RBFOX1: variants seen among roughly 807,000 people sequenced by gnomAD.
RBFOX1 encodes RNA binding protein fox-1 homolog 1.
A neutral mutation model predicts 57.7 loss-of-function variants in RBFOX1; 8 were observed. The ratio of observed to expected loss-of-function variants is 0.14; its 90% CI spans 0.08 to 0.25. RBFOX1 has a LOEUF of 0.25. Among genes scored for constraint, RBFOX1 ranks in the 10% least tolerant of loss-of-function variants. The pLI, the probability that RBFOX1 is intolerant of heterozygous loss-of-function variation, is 1.00. For synonymous variants in RBFOX1, 326 were observed against 222.4 expected, an observed-to-expected ratio of 1.47 and a Z score of -4.15; for missense variants, 611 against 548.5, an observed-to-expected ratio of 1.11 and a Z score of -1.14.
intron 4 of RBFOX1, among the ~76,000 whole-genome samples, chr16:7,182,084 C>G (rs1294483842): frequency 6.6e-6 from 1 of 152,120 alleles, no homozygotes; most frequent in Non-Finnish European, 1.5e-5. Context: ...TCTTCAGAAG[C>G]TTGTTCATGA....
intron 3 of RBFOX1, among the ~76,000 whole-genome samples, chr16:6,747,475 T>TC (rs775881693): frequency 0.41 from 60,507 of 146,538 alleles, 12,345 homozygotes; most frequent in East Asian, 0.62. Context: ...TGTCTGTCTG[T>TC]TTATCTATCT....
chr16:6,821,349 A>T (rs1177199854), intron 3 of RBFOX1, among the ~76,000 whole-genome samples: 1 of 152,208 alleles, frequency 6.6e-6, no homozygotes, highest in East Asian at 1.9e-4. Context: ...CAAATTGGAA[A>T]ACTAGTCTAG....
chr16:5,994,847 A>G (rs553804873), intron 4 of RBFOX1, among the ~76,000 whole-genome samples: 130 of 152,330 alleles, frequency 8.5e-4, no homozygotes, highest in Non-Finnish European at 1.7e-3. Context: ...CAAGTGCCCA[A>G]TGAGAAATGC....
intron 3 of RBFOX1, among the ~76,000 whole-genome samples, chr16:6,804,117 C>G (rs1396702051): frequency 6.6e-6 from 1 of 152,026 alleles, no homozygotes; most frequent in African/African-American, 2.4e-5. Context: ...AGTGATTCTC[C>G]TTGCCTCAGG....
intron 4 of RBFOX1, among the ~76,000 whole-genome samples, chr16:7,108,318 T>C (rs1253512682): frequency 1.4e-5 from 2 of 145,886 alleles, no homozygotes; most frequent in African/African-American, 4.9e-5. Context: ...AAACAAGAAC[T>C]TCTTTCTATT....
At chr16:7,605,938 A>G (rs2095267225) in intron 9 of RBFOX1, among the ~76,000 whole-genome samples, 1 of 151,854 alleles carries the variant, frequency 6.6e-6, no homozygotes, top group Non-Finnish European at 1.5e-5. Flanking sequence ...TCCCAGCTTC[A>G]AGCGATTCTC....
intron 2 of RBFOX1, among the ~76,000 whole-genome samples, chr16:6,498,192 C>T (rs2095824529): frequency 6.8e-6 from 1 of 147,452 alleles, no homozygotes; most frequent in Non-Finnish European, 1.5e-5. Flanking sequence ...GTGGAGGTTG[C>T]AGTGAGCCAA....
intron 2 of RBFOX1, among the ~76,000 whole-genome samples, chr16:6,576,468 A>G (rs1470925840): frequency 2.6e-5 from 4 of 152,174 alleles, no homozygotes; most frequent in South Asian, 4.1e-4. Context: ...ATATTATTCG[A>G]AGACCTGCTG....
chr16:6,346,139 C>A (rs1416695265), intron 2 of RBFOX1, among the ~76,000 whole-genome samples: 1 of 152,120 alleles, frequency 6.6e-6, no homozygotes. Context: ...TTGACTTTTC[C>A]CTTTAGCTTA....
rs115141528 is a variant in RBFOX1 at position 7,141,875 on chromosome 16, C to G, written c.27+89777C>G. Among the ~76,000 whole-genome samples the G allele has an allele frequency of 7.6e-3, 1,153 of 152,324 alleles. 18 individuals are homozygous for G. Among genetic ancestry groups the G allele is most frequent in the African/African-American group, 0.026 (1,086 of 41,576 alleles). ...TGTTTCTTCTCACCTATTCTCTGCA[C>G]AGCAGCCATAGTGACCTTGGAAATT... On this transcript the variant is annotated intron_variant, in intron 4 of 15. Coordinates refer to ENST00000550418, the MANE Select transcript of RBFOX1 (RefSeq NM_018723.4).
At chr16:6,114,924 T>C (rs1456820929) in intron 1 of RBFOX1, among the ~76,000 whole-genome samples, 1 of 152,174 alleles carries the variant, frequency 6.6e-6, no homozygotes, top group Non-Finnish European at 1.5e-5. Flanking sequence ...TTCACAACTA[T>C]ATTTACACTG....
At chr16:5,662,682 G>A (rs2049696011) in intron 3 of RBFOX1, among the ~76,000 whole-genome samples, 1 of 152,162 alleles carries the variant, frequency 6.6e-6, no homozygotes, top group Non-Finnish European at 1.5e-5. Context: ...AGAATTGTGT[G>A]GAATTTTTTG....
chr16:6,028,115 C>G (rs1036495504), intron 1 of RBFOX1, among the ~76,000 whole-genome samples: 11 of 152,198 alleles, frequency 7.2e-5, no homozygotes, highest in Admixed American at 6.5e-5. Context: ...GGGTCACTGC[C>G]TGTGTTCTCA....
chr16:6,791,275 C>T (rs942107973), intron 3 of RBFOX1, among the ~76,000 whole-genome samples: 6 of 152,170 alleles, frequency 3.9e-5, no homozygotes, highest in East Asian at 1.9e-4. Context: ...GACTCAGCTG[C>T]ATGGAAATTG....
chr16:7,691,251 C>A (rs552036798), intron 14 of RBFOX1, among the ~76,000 whole-genome samples: 1 of 152,068 alleles, frequency 6.6e-6, no homozygotes, highest in South Asian at 2.1e-4. Flanking sequence ...GTAATCTAAG[C>A]CAACTCTTTT....
chr16:7,510,834 G>A (rs1038367570), intron 4 of RBFOX1, among the ~76,000 whole-genome samples: 1 of 152,172 alleles, frequency 6.6e-6, no homozygotes, highest in Non-Finnish European at 1.5e-5. Context: ...CCCACTGCAG[G>A]AGCCGCTGCT....
chr16:6,617,560 G>A (rs1288258111), intron 2 of RBFOX1, among the ~76,000 whole-genome samples: 4 of 152,046 alleles, frequency 2.6e-5, no homozygotes, highest in African/African-American at 9.7e-5. Flanking sequence ...GTTATAGACA[G>A]GGCTGGAGGA....
intron 3 of RBFOX1, among the ~76,000 whole-genome samples, chr16:5,648,693 G>T (rs867783190): frequency 2.0e-5 from 3 of 152,152 alleles, no homozygotes; most frequent in Non-Finnish European, 2.9e-5. Flanking sequence ...TTAGACGTGG[G>T]CAGGACTGGA....
At chr16:7,012,015 C>T (rs1461452450) in intron 3 of RBFOX1, among the ~76,000 whole-genome samples, 4 of 152,054 alleles carry the variant, frequency 2.6e-5, no homozygotes, top group African/African-American at 9.7e-5. Flanking sequence ...AGGTCTAGTC[C>T]AGTCACTGTA....
Sources: allele counts gnomAD v4.1 joint callset (sites outside exome capture counted in the v4.1 genomes callset), GRCh38; gene constraint gnomAD v4.1.1; transcripts MANE v1.5; gene names NCBI Gene and HGNC (gene_info 2026-07-23, HGNC 2026-07-21).